Variants in PTPRN2 observed in about 807,000 individuals in gnomAD.
The protein encoded by PTPRN2 is receptor-type tyrosine-protein phosphatase N2.
Under a neutral mutation model 118.8 loss-of-function variants are expected in PTPRN2, and 74 were observed. The ratio of observed to expected loss-of-function variants is 0.62; its 90% CI spans 0.52 to 0.76. The LOEUF (loss-of-function observed/expected upper bound fraction) is 0.76, where lower values mean the gene tolerates loss of function less well. Ranked by LOEUF, PTPRN2 falls within the 30% of genes least tolerant of loss-of-function variation. The pLI is 0.00. For synonymous variants in PTPRN2, 641 were observed against 608.0 expected, an observed-to-expected ratio of 1.05 and a Z score of -0.80; for missense variants, 1,481 against 1,394.4, an observed-to-expected ratio of 1.06 and a Z score of -0.99.
chr7:158,526,641 T>C lies in PTPRN2; in HGVS notation c.113-36856A>G, dbSNP rs952098776. Among the ~76,000 whole-genome samples, 7 of 152,248 alleles carry C rather than the reference T, an allele frequency of 4.6e-5. No individual in the cohort carries two copies. The East Asian group carries it at 1.2e-3, about 25-fold the overall frequency. ...ATGGGACTGTATTTGGAGATGGGTC[T>C]TGAAAGAGGTGATTTCAGTAAAACG... On this transcript the variant is annotated intron_variant, in intron 1 of 22. Transcript: ENST00000389418. The surrounding 1 kb of genome is among the most constrained non-coding windows in gnomAD (Gnocchi z 5.2).
intron 3 of PTPRN2, 143 bp from the exon 4 acceptor site, chr7:158,205,416 C>T (rs1161212894): frequency 3.2e-6 from 2 of 627,724 alleles, no homozygotes; most frequent in Non-Finnish European, 5.7e-6. Context: ...TGCAGTTTAT[C>T]AAGATCTCCT....
At chr7:157,660,002 G>A (rs1169868436) in intron 13 of PTPRN2, among the ~76,000 whole-genome samples, 1 of 152,120 alleles carries the variant, frequency 6.6e-6, no homozygotes, top group Non-Finnish European at 1.5e-5. Context: ...AATGAGGGAT[G>A]ATTTTAATAA....
At chr7:158,451,534 G>T (rs912793965) in intron 2 of PTPRN2, among the ~76,000 whole-genome samples, 20 of 152,146 alleles carry the variant, frequency 1.3e-4, no homozygotes, top group African/African-American at 4.8e-4. Context: ...TTCGGTCCAG[G>T]TTCATCTTCT....
intron 12 of PTPRN2, among the ~76,000 whole-genome samples, chr7:157,897,974 G>A (rs1048782305): frequency 1.3e-5 from 2 of 152,282 alleles, no homozygotes; most frequent in Non-Finnish European, 2.9e-5. Flanking sequence ...GCGCGTCCGC[G>A]CTCTGTGTGC....
At chr7:157,778,014 C>T (rs917279927) in intron 12 of PTPRN2, among the ~76,000 whole-genome samples, 5 of 148,758 alleles carry the variant, frequency 3.4e-5, no homozygotes, top group African/African-American at 1.2e-4. Context: ...TCAAACCAAA[C>T]GAGAGCAAAA....
rs371326690 is a variant in PTPRN2, at chr7:158,396,400, CTG to C, written c.164-79470_164-79469del. Among the ~76,000 whole-genome samples the C allele has an allele frequency of 3.2e-3, 494 of 152,140 alleles. 2 individuals are homozygous for C. The highest frequency in any genetic ancestry group is 4.8e-3 in the Non-Finnish European group (323 of 67,964). On this transcript the variant is annotated intron_variant, in intron 2 of 22. Transcript: ENST00000389418. ...AGGTGACAGCATCGTGAGGTGAAGT[CTG>C]TGTGTGTGTGTACATGTGCACGTGT...
chr7:157,757,931 C>A (rs1028907005), intron 12 of PTPRN2, among the ~76,000 whole-genome samples: 1 of 152,196 alleles, frequency 6.6e-6, no homozygotes, highest in Non-Finnish European at 1.5e-5. Context: ...TCCCGCAGGG[C>A]CCTGAAGCAG....
Position 158,289,728 on chromosome 7 carries a change from TTTG to T in PTPRN2, c.277+27088_277+27090del, listed in dbSNP as rs141044075. On this transcript the variant is annotated intron_variant, in intron 3 of 22. Coordinates refer to ENST00000389418, the MANE Select transcript of PTPRN2 (RefSeq NM_002847.5). ...TGTTGTGTCTCCTTGGTTTTTCATG[TTTG>T]TTGTTGTTGTTGTTGTTGTTGCCTT... Among the ~76,000 whole-genome samples the T allele has an allele frequency of 2.0e-3, 307 of 151,840 alleles. 2 individuals carry two copies. The highest frequency in any genetic ancestry group is 6.5e-3 in the African/African-American group (268 of 41,488).
At chr7:158,359,008 G>A (rs2151284168) in intron 2 of PTPRN2, among the ~76,000 whole-genome samples, 1 of 152,274 alleles carries the variant, frequency 6.6e-6, no homozygotes, top group East Asian at 1.9e-4. Context: ...GGATGGGAGG[G>A]ACGCCATCCC....
chr7:158,160,145 G>A (rs11772573), intron 6 of PTPRN2, among the ~76,000 whole-genome samples: 53,655 of 151,998 alleles, frequency 0.35, 10,500 homozygotes, highest in Middle Eastern at 0.5. Flanking sequence ...GGGTGAAACT[G>A]TAGACTTCGT....
chr7:158,316,434 C>T (rs1425058646), intron 3 of PTPRN2, among the ~76,000 whole-genome samples: 2 of 152,086 alleles, frequency 1.3e-5, no homozygotes, highest in Non-Finnish European at 2.9e-5. Context: ...CTGCAGGGAC[C>T]ACCTGCAACA....
At chr7:158,105,427 C>T (rs1213278231) in intron 10 of PTPRN2, among the ~76,000 whole-genome samples, 2 of 152,150 alleles carry the variant, frequency 1.3e-5, no homozygotes, top group African/African-American at 2.4e-5. Flanking sequence ...CCAGCTCCAT[C>T]CCAACTCCAC....
At chr7:158,435,481 G>A (rs571374515) in intron 2 of PTPRN2, among the ~76,000 whole-genome samples, 2 of 152,206 alleles carry the variant, frequency 1.3e-5, no homozygotes, top group Non-Finnish European at 2.9e-5. Context: ...ACTGTTGTGG[G>A]AATGCAAAAG....
intron 12 of PTPRN2, among the ~76,000 whole-genome samples, chr7:157,856,475 G>A (rs187064436): frequency 1.3e-5 from 2 of 152,300 alleles, no homozygotes; most frequent in African/African-American, 4.8e-5. Context: ...ACCACAGGCC[G>A]GTGCCTCCGA....
intron 1 of PTPRN2, among the ~76,000 whole-genome samples, chr7:158,498,677 A>G (rs529802590): frequency 6.6e-6 from 1 of 152,344 alleles, no homozygotes; most frequent in South Asian, 2.1e-4. Flanking sequence ...CCTTGCTTTC[A>G]CAGATAAAAA....
chr7:158,085,243 A>G (rs371736933), intron 10 of PTPRN2, among the ~76,000 whole-genome samples: 6 of 83,144 alleles, frequency 7.2e-5, no homozygotes, highest in East Asian at 4.5e-4. Context: ...CACCCACGAC[A>G]CCCATCCACA....
intron 12 of PTPRN2, among the ~76,000 whole-genome samples, chr7:157,772,426 T>G: frequency 6.6e-6 from 1 of 151,998 alleles, no homozygotes; most frequent in Non-Finnish European, 1.5e-5. Context: ...CAAACACAGT[T>G]TGTGAGAGCC....
chr7:157,809,540 T>C (rs867460976), intron 12 of PTPRN2, among the ~76,000 whole-genome samples: 2 of 152,280 alleles, frequency 1.3e-5, no homozygotes, highest in South Asian at 2.1e-4. Context: ...AATGCCGCCT[T>C]CTGGACATAG....
chr7:157,904,594 A>G (rs1189797464), intron 11 of PTPRN2, among the ~76,000 whole-genome samples: 1 of 152,178 alleles, frequency 6.6e-6, no homozygotes, highest in African/African-American at 2.4e-5. Flanking sequence ...CTCTTTGGAG[A>G]TTGCTGAGTG....
Sources: gnomAD v4.1 joint callset for allele counts (sites outside exome capture counted in the v4.1 genomes callset) on GRCh38, gnomAD v4.1.1 for gene constraint, Gnocchi (gnomAD v3.1) non-coding constraint, MANE v1.5 for transcripts, NCBI Gene and HGNC (gene_info 2026-07-23, HGNC 2026-07-21) for gene names.